PTPRN2: variants seen among roughly 807,000 people sequenced by gnomAD.
PTPRN2 encodes receptor-type tyrosine-protein phosphatase N2.
Under a neutral mutation model 118.8 loss-of-function variants are expected in PTPRN2, and 74 were observed. The observed-to-expected ratio is 0.62, with a 90% confidence interval of 0.52 to 0.76. The LOEUF (loss-of-function observed/expected upper bound fraction) is 0.76. PTPRN2 is among the 30% of genes least tolerant of loss of function. The probability of loss-of-function intolerance (pLI) is 0.00; values close to 1 mark genes in which losing one functional copy is unlikely to be tolerated. For missense variants in PTPRN2, 1,481 were observed against 1,394.4 expected, an observed-to-expected ratio of 1.06 and a Z score of -0.99; for synonymous variants, 641 against 608.0, an observed-to-expected ratio of 1.05 and a Z score of -0.80.
At chr7:157,853,519 C>T (rs576510354) in intron 12 of PTPRN2, among the ~76,000 whole-genome samples, 1 of 152,142 alleles carries the variant, frequency 6.6e-6, no homozygotes, top group South Asian at 2.1e-4. Flanking sequence ...GAGAAAAGTC[C>T]CAAAATCCAG....
intron 5 of PTPRN2, among the ~76,000 whole-genome samples, chr7:158,171,218 CATATATACACACAT>C (rs1442896332): frequency 1.8e-5 from 2 of 109,490 alleles, no homozygotes; most frequent in Non-Finnish European, 3.7e-5. Flanking sequence ...TATATACACA[CATATATACACACAT>C]ATATATACAC....
At chr7:157,818,652 A>G (rs747344331) in intron 12 of PTPRN2, among the ~76,000 whole-genome samples, 1 of 146,064 alleles carries the variant, frequency 6.8e-6, no homozygotes, top group South Asian at 2.1e-4. Context: ...CCTGGGTGTG[A>G]GTCCCTGGGA....
rs1797411164 is a variant in PTPRN2, at chr7:157,690,328, C to T, written c.1789-7391G>A. ...CAGGAGTCCTGCGGCGAGGCAGAGA[C>T]CCCCTGAACTGAGCTCTCCGACGCC... is the stretch of plus-strand genomic sequence containing the variant. On this transcript the variant is annotated intron_variant, in intron 12 of 22. Coordinates refer to ENST00000389418, the MANE Select transcript of PTPRN2 (RefSeq NM_002847.5). This position sits in a 1 kb window ranked among gnomAD's most constrained non-coding sequence, Gnocchi z 7.1. 6.6e-6 allele frequency among the ~76,000 whole-genome samples: 1 copy of T among 152,224 alleles called. No homozygotes were observed.
At chr7:157,614,166 G>A (rs987371590) in intron 15 of PTPRN2, 13 of 461,394 alleles carry the variant, frequency 2.8e-5, no homozygotes, top group Middle Eastern at 3.6e-4. Context: ...GGAGGACAGG[G>A]GAGGGCCAGG....
chr7:158,181,496 T>A (rs931773535), intron 5 of PTPRN2, among the ~76,000 whole-genome samples: 1 of 152,206 alleles, frequency 6.6e-6, no homozygotes, highest in Non-Finnish European at 1.5e-5. Context: ...TCCTTTGGAA[T>A]AGTTTCAGTA....
In PTPRN2 at chr7:157,832,953, G is replaced by A. The variant is rs191269526; in HGVS notation, c.1788+65720C>T. Among the ~76,000 whole-genome samples, 13 of 152,398 alleles carry A rather than the reference G, an allele frequency of 8.5e-5. No individual in the cohort carries two copies. The East Asian group carries it at 2.1e-3, about 25-fold the overall frequency. ...GATGGCGGGATTCTCCAGGAGGTGC[G>A]TGATGTGGCTGGTGCCCATCCATCC... On this transcript the variant is annotated intron_variant, in intron 12 of 22. Transcript: ENST00000389418.
Position 158,172,152 on chromosome 7 carries a change from G to A in PTPRN2, c.550-4861C>T, listed in dbSNP as rs564598764. On this transcript the variant is annotated intron_variant, in intron 5 of 22. Transcript: ENST00000389418. ...GCCCACACACTGAAAAAGCCAGCAG[G>A]AAAGAAGGCTCACTGAAAGACTGGC... Among the ~76,000 whole-genome samples the A allele has an allele frequency of 3.8e-3, 576 of 152,296 alleles. 2 individuals carry two copies. The highest frequency in any genetic ancestry group is 9.5e-3 in the Admixed American group (146 of 15,304).
chr7:158,000,487 T>G lies in PTPRN2; in HGVS notation c.1723+80811A>C, dbSNP rs532278974. ...CTAACGCCCTGCACACCTTTCCTTC[T>G]TCCTCCTCCTCTTTATTTCTTAACA... On this transcript the variant is annotated intron_variant, in intron 11 of 22. Transcript: ENST00000389418. Among the ~76,000 whole-genome samples, 6 of 151,910 alleles carry G rather than the reference T, an allele frequency of 3.9e-5. No individual in the cohort carries two copies. The South Asian group carries it at 6.3e-4, about 16-fold the overall frequency.
chr7:157,696,754 A>G (rs1434638280), intron 12 of PTPRN2, among the ~76,000 whole-genome samples: 461 of 96,694 alleles, frequency 4.8e-3, no homozygotes, highest in South Asian at 0.011. Context: ...TGCATACTGG[A>G]TCTTGGCAGA....
intron 1 of PTPRN2, among the ~76,000 whole-genome samples, chr7:158,538,946 T>C (rs1345109249): frequency 6.6e-6 from 1 of 152,182 alleles, no homozygotes; most frequent in African/African-American, 2.4e-5. Context: ...TCCCAGGACC[T>C]GCTGGAAGTG....
chr7:157,755,906 G>A (rs182631500), intron 12 of PTPRN2, among the ~76,000 whole-genome samples: 5 of 152,268 alleles, frequency 3.3e-5, no homozygotes, highest in East Asian at 1.9e-4. Flanking sequence ...AGAAGAATGC[G>A]AGCATTTCCC....
At chr7:158,375,365 G>T (rs1205942694) in intron 2 of PTPRN2, among the ~76,000 whole-genome samples, 2 of 152,240 alleles carry the variant, frequency 1.3e-5, no homozygotes, top group African/African-American at 4.8e-5. Context: ...CAGCAGACAA[G>T]GCAGCTGTGT....
intron 11 of PTPRN2, among the ~76,000 whole-genome samples, chr7:157,971,484 T>C (rs1285458284): frequency 2.0e-5 from 3 of 152,198 alleles, no homozygotes; most frequent in Non-Finnish European, 2.9e-5. Flanking sequence ...TCGTTATTAA[T>C]TTCTTTGGTA....
intron 11 of PTPRN2, among the ~76,000 whole-genome samples, chr7:158,042,652 G>C (rs1256710619): frequency 1.3e-5 from 2 of 152,206 alleles, no homozygotes; most frequent in Non-Finnish European, 2.9e-5. Flanking sequence ...GCAGGGGCAG[G>C]CCAGGCCCAG....
chr7:157,870,217 G>A (rs577747132), intron 12 of PTPRN2, among the ~76,000 whole-genome samples: 9 of 152,316 alleles, frequency 5.9e-5, no homozygotes, highest in South Asian at 2.1e-4. Context: ...TGAACCAGCC[G>A]AGATGTCTAT....
At chr7:158,435,306 T>A (rs1369736132) in intron 2 of PTPRN2, among the ~76,000 whole-genome samples, 2 of 152,150 alleles carry the variant, frequency 1.3e-5, no homozygotes, top group Non-Finnish European at 2.9e-5. Flanking sequence ...AATAGACATT[T>A]CTCACAAGAA....
At chr7:157,772,602 C>T (rs1029577965) in intron 12 of PTPRN2, among the ~76,000 whole-genome samples, 2 of 152,198 alleles carry the variant, frequency 1.3e-5, no homozygotes, top group Non-Finnish European at 2.9e-5. Flanking sequence ...CTGCTGCGGG[C>T]GGCCTCAGCT....
At chr7:158,581,190 G>C (rs1292543267) in intron 1 of PTPRN2, among the ~76,000 whole-genome samples, 2 of 152,166 alleles carry the variant, frequency 1.3e-5, no homozygotes, top group African/African-American at 4.8e-5. Context: ...GAGAAAGGAG[G>C]CTCCAGAGAC....
At chr7:158,483,168 GA>G (rs1820763287) in intron 2 of PTPRN2, among the ~76,000 whole-genome samples, 1 of 152,194 alleles carries the variant, frequency 6.6e-6, no homozygotes, top group Admixed American at 6.5e-5. Context: ...GCTCCCATGT[GA>G]CATAGAAAAC....
Sources: gnomAD v4.1 joint callset for allele counts (sites outside exome capture counted in the v4.1 genomes callset) on GRCh38, gnomAD v4.1.1 for gene constraint, Gnocchi (gnomAD v3.1) non-coding constraint, MANE v1.5 for transcripts, NCBI Gene and HGNC (gene_info 2026-07-23, HGNC 2026-07-21) for gene names.